Variants in CCT2 observed in about 807,000 individuals in gnomAD.
CCT2 encodes chaperonin containing TCP1 subunit 2.
In CCT2, 18 loss-of-function variants were observed where a neutral mutation model predicts 61.8. The observed-to-expected ratio is 0.29, with a 90% CI of 0.20 to 0.43. The LOEUF is 0.43. Ranked by LOEUF, CCT2 falls within the 20% of genes least tolerant of loss-of-function variation. The pLI is 1.00. For missense variants in CCT2, 556 were observed against 656.9 expected (o/e 0.85, Z 1.68); for synonymous variants, 248 against 215.9 (o/e 1.15, Z -1.30).
Position 69,601,062 on chromosome 12 carries a change from A to G in CCT2, c.1578-233A>G, listed in dbSNP as rs1236949900. Among the ~76,000 whole-genome samples the G allele has an allele frequency of 3.3e-5, 5 of 152,170 alleles. No homozygotes were observed. In the East Asian group the frequency reaches 7.7e-4, roughly 23 times the overall value. The stretch of plus-strand genomic sequence containing the variant: ...CCTAAAGCCAGCAGTCCCATCCTAT[A>G]TAACCCATTAGTCCATGACATAACT... On this transcript the variant is annotated intron_variant, in intron 15 of 15. Coordinates refer to ENST00000299300, the MANE Select transcript of CCT2 (RefSeq NM_006431.3).
In CCT2 at chr12:69,588,282, A is replaced by G. The variant is rs771993294; in HGVS notation, c.446+20A>G. The G allele has an allele frequency of 6.1e-6, 9 of 1,482,072 alleles. No individual in the cohort carries two copies. The highest frequency in any genetic ancestry group is 4.1e-5 in the African/African-American group (3 of 72,350). 91.8% of individuals were successfully genotyped at this position (1,482,072 alleles called of 1,614,324 possible). On this transcript the variant is annotated intron_variant, in intron 6 of 15. Coordinates refer to ENST00000299300, the MANE Select transcript of CCT2 (RefSeq NM_006431.3). ...TCATGGGTTTGTATAGCAAAGTACTACTGTTCTAAACATTTAGTGTTCTTT... is the reference window on the plus strand; with the variant it reads ...TCATGGGTTTGTATAGCAAAGTACTGCTGTTCTAAACATTTAGTGTTCTTT...
chr12:69,593,297 A>G lies in CCT2; in HGVS notation c.878+194A>G, dbSNP rs565580558. On this transcript the variant is annotated intron_variant, in intron 9 of 15. Coordinates refer to ENST00000299300, the MANE Select transcript of CCT2 (RefSeq NM_006431.3). ...CCAGAATTACGGGATTGATTTATAC[A>G]GTTACTATAATAAAGAACACTTCTT... Among the ~76,000 whole-genome samples, 5 of 152,370 alleles carry G rather than the reference A, an allele frequency of 3.3e-5. No individual in the cohort carries two copies. In the East Asian group the frequency reaches 9.6e-4, roughly 29 times the overall value.
chr12:69,591,526 T>C (rs1881834322), intron 7 of CCT2, among the ~76,000 whole-genome samples: 1 of 94,864 alleles, frequency 1.1e-5, no homozygotes, highest in African/African-American at 6.7e-5. Flanking sequence ...GATTTTAAGC[T>C]AATAAAAATA....
At chr12:69,585,706 G>A in intron 1 of CCT2, 182 bp downstream of exon 1, 1 of 1,484,802 alleles carries the variant, frequency 6.7e-7, no homozygotes. Flanking sequence ...AGCTCACCAC[G>A]AGGGGGAGGG....
chr12:69,587,918 T>A lies in CCT2; in HGVS notation c.257-12T>A, dbSNP rs1881712814. On this transcript the variant is annotated splice_polypyrimidine_tract_variant and intron_variant, in intron 4 of 15. Transcript: ENST00000299300. ...AAGCAATTTTGAGTTAATAACTAAT[T>A]TCTTTTTCTAGATATGTCAAGGGTT... The A allele has an allele frequency of 1.4e-5, 22 of 1,601,582 alleles. No homozygotes were observed. Among genetic ancestry groups the A allele is most frequent in the Non-Finnish European group, 1.9e-5 (22 of 1,168,902 alleles).
At chr12:69,588,028 T>C in intron 5 of CCT2, 22 bp downstream of exon 5, 1 of 1,600,214 alleles carries the variant, frequency 6.2e-7, no homozygotes, top group Non-Finnish European at 8.6e-7. Flanking sequence ...TAAGCAACTC[T>C]TTTTTCCTAC....
intron 7 of CCT2, chr12:69,589,899 T>TTA: frequency 1.7e-6 from 1 of 572,946 alleles, no homozygotes; most frequent in Non-Finnish European, 3.1e-6. Flanking sequence ...AGAGTTTACT[T>TTA]AACTACCATG....
At chr12:69,589,726 T>C in intron 7 of CCT2, 39 bp downstream of exon 7, 1 of 1,470,478 alleles carries the variant, frequency 6.8e-7, no homozygotes, top group Non-Finnish European at 9.4e-7. Context: ...TTTGATTAGA[T>C]GCTGAGGGCT....
intron 1 of CCT2, 146 bp downstream of exon 1, chr12:69,585,670 G>T: frequency 6.6e-7 from 1 of 1,523,262 alleles, no homozygotes; most frequent in Non-Finnish European, 8.8e-7. Context: ...CGCGGGGCGT[G>T]CGGCCTGCGC....
Position 69,598,051 on chromosome 12 carries a change from T to A in CCT2, c.1315T>A (p.Tyr439Asn). The A allele has an allele frequency of 6.2e-7, 1 of 1,612,320 alleles. No homozygotes were observed. The highest frequency in any genetic ancestry group is 8.5e-7 in the Non-Finnish European group (1 of 1,178,494). The change falls in exon 13 of 16, where the codon TAT (tyrosine) becomes AAT (asparagine). Residue 439 changes from tyrosine (Y) to asparagine (N), a missense_variant. Around this residue, in one of 3 missense-constraint regions of CCT2, gnomAD observed 225 missense variants for 249.8 expected, o/e 0.90. Transcript: ENST00000299300. ...PGKEAVAMESYAKALRMLPTI... is the reference protein window; with the variant it reads ...PGKEAVAMESNAKALRMLPTI... The stretch of plus-strand genomic sequence containing the variant: ...CAAAGAAGCTGTTGCAATGGAGTCT[T>A]ATGCTAAAGCACTGAGAATGGTAAG...
At chr12:69,595,688 C>CA (rs10655703) in intron 10 of CCT2, among the ~76,000 whole-genome samples, 46,840 of 99,386 alleles carry the variant, frequency 0.47, 11,933 homozygotes, top group African/African-American at 0.71. Flanking sequence ...GACTCCGTCT[C>CA]AAAAAAAAAA....
rs758735272 is a variant in CCT2, at chr12:69,586,771, A to G, written c.97A>G (p.Ile33Val). Residue 33 changes from isoleucine (I) to valine (V), a missense_variant, in exon 3 of 16, where the codon ATC (isoleucine) becomes GTC (valine). Coordinates refer to ENST00000299300, the MANE Select transcript of CCT2 (RefSeq NM_006431.3). ...TARLTSFIGA[I>V]AIGDLVKSTL... ...ACTCCAGACTTCTTTTATTGGTGCC[A>G]TCGCCATTGGAGACTTGGTAAAGAG... 6 of 1,601,402 alleles carry G rather than the reference A, an allele frequency of 3.7e-6. No individual in the cohort carries two copies. The highest frequency in any genetic ancestry group is 1.7e-4 in the Middle Eastern group (1 of 6,008).
At chr12:69,589,778 C>T in intron 7 of CCT2, 91 bp downstream of exon 7, 3 of 1,025,554 alleles carry the variant, frequency 2.9e-6, no homozygotes, top group Non-Finnish European at 4.4e-6. Context: ...TGACCCTTTA[C>T]AAAGCCAGTG....
intron 8 of CCT2, chr12:69,592,701 G>T (rs1881871353): frequency 1.1e-5 from 3 of 282,750 alleles, no homozygotes; most frequent in Non-Finnish European, 2.0e-5. Context: ...CAGGCGGGCG[G>T]ATCACAAGGT....
chr12:69,587,589 G>T lies in CCT2; in HGVS notation c.229G>T (p.Asp77Tyr). The stretch of plus-strand genomic sequence containing the variant: ...CACTATTCTAAAAAACATTGGTGTT[G>T]ACAATCCAGCAGCTAAAGTTTTAGT... ...GATILKNIGV[D>Y]NPAAKVLVDM... The change falls in exon 4 of 16, where the codon GAC (aspartate) becomes TAC (tyrosine). Residue 77 changes from aspartate (D) to tyrosine (Y), a missense_variant. This residue lies in a region of CCT2 where 308 missense variants were observed against 350.6 expected (regional missense o/e 0.88). Transcript: ENST00000299300. The T allele has an allele frequency of 6.2e-7, 1 of 1,612,018 alleles. No homozygotes were observed. Among genetic ancestry groups the T allele is most frequent in the South Asian group, 1.1e-5 (1 of 91,008 alleles).
chr12:69,593,006 AC>A lies in CCT2; in HGVS notation c.782del (p.Thr261LysfsTer7). On this transcript the variant is annotated frameshift_variant, in exon 9 of 16. Transcript: ENST00000299300. LOFTEE classifies it high-confidence loss of function. ...TGGTTCCCGGGTAAGAGTTGACTCT[AC>A]AGCAAAGGTTGCAGAAATAGAACAT... is the stretch of plus-strand genomic sequence containing the variant. ...IFGSRVRVDS[T>X]AKVAEIEHAE... is the part of the protein sequence containing the mutation. 1 of 1,613,748 alleles carries A rather than the reference AC, an allele frequency of 6.2e-7. No homozygotes were observed. The highest frequency in any genetic ancestry group is 8.5e-7 in the Non-Finnish European group (1 of 1,179,644).
chr12:69,593,721 TTCTGAAATCTATTC>T (rs1881904268), intron 10 of CCT2, 108 bp downstream of exon 10: 1 of 614,456 alleles, frequency 1.6e-6, no homozygotes, highest in Non-Finnish European at 2.9e-6. Context: ...TCAGCAGTTA[TTCTGAAATCTATTC>T]TCTTGGATAC....
rs758261893 is a variant in CCT2 at position 69,588,124 on chromosome 12, CTTTTG to C, written c.334-21_334-17del. The C allele has an allele frequency of 2.2e-5, 35 of 1,582,806 alleles. No homozygotes were observed. In the Middle Eastern group the frequency reaches 8.3e-4, roughly 38 times the overall value. The stretch of plus-strand genomic sequence containing the variant: ...GTGCTTAATAATTTTCTATTTATAA[CTTTTG>C]TTTTATAACTTTATTAATAGGAAGC... On this transcript the variant is annotated intron_variant, in intron 5 of 15. Transcript: ENST00000299300.
intron 14 of CCT2, among the ~76,000 whole-genome samples, chr12:69,598,848 C>G (rs1315341852): frequency 6.6e-6 from 1 of 151,220 alleles, no homozygotes. Flanking sequence ...AGATTTAATT[C>G]ATATTGAAAA....
Sources: allele counts gnomAD v4.1 joint callset (sites outside exome capture counted in the v4.1 genomes callset), GRCh38; gene constraint gnomAD v4.1.1; regional missense constraint gnomAD v4.1.1; transcripts MANE v1.5; gene names NCBI Gene and HGNC (gene_info 2026-07-23, HGNC 2026-07-21).